ACO1: variants seen among roughly 807,000 people sequenced by gnomAD.
The protein encoded by ACO1 is cytoplasmic aconitate hydratase.
A neutral mutation model predicts 105.1 loss-of-function variants in ACO1; 78 were observed. That is an observed-to-expected ratio of 0.74 (90% CI 0.62 to 0.90). The LOEUF (loss-of-function observed/expected upper bound fraction) is 0.90, where lower values mean the gene tolerates loss of function less well. Ranked by LOEUF, ACO1 falls within the 40% of genes least tolerant of loss-of-function variation. ACO1 has a pLI of 0.00. For synonymous variants in ACO1, 364 were observed against 397.4 expected (o/e 0.92, Z 1.00); for missense variants, 965 against 1,111.1 (o/e 0.87, Z 1.87).
Position 32,410,795 on chromosome 9 carries a change from G to A in ACO1, c.404+2144G>A, listed in dbSNP as rs137981719. Reference sequence around the variant, plus strand: ...GTATAACAGTCCCAGAATCTCAACAGCAGTCAACAGTAAGAATTTATTTCT... The same window carrying A: ...GTATAACAGTCCCAGAATCTCAACAACAGTCAACAGTAAGAATTTATTTCT... On this transcript the variant is annotated intron_variant, in intron 4 of 20. Transcript: ENST00000309951. Among the ~76,000 whole-genome samples, 57 of 152,294 alleles carry A rather than the reference G, an allele frequency of 3.7e-4. 1 individual carries two copies. In the Middle Eastern group the frequency reaches 0.01, roughly 27 times the overall value.
rs1822121727 is a variant in ACO1, at chr9:32,427,329, T to C, written c.1377T>C (p.Ala459=). The part of the protein sequence containing the change: ...AGLLAKKAVD[A]GLNVMPYIKT... ...TGTTAGCAAAGAAAGCTGTGGATGC[T>C]GGCCTGAACGTGATGCCTTACATCA... The change falls in exon 12 of 21, where the codon GCT becomes GCC. Residue 459 remains alanine (A), a synonymous_variant. Transcript: ENST00000309951. 2 of 1,614,114 alleles carry C rather than the reference T, an allele frequency of 1.2e-6. No homozygotes were observed. Among genetic ancestry groups the C allele is most frequent in the Non-Finnish European group, 1.7e-6 (2 of 1,180,052 alleles).
intron 4 of ACO1, among the ~76,000 whole-genome samples, chr9:32,411,486 T>C (rs1821737754): frequency 6.6e-6 from 1 of 152,120 alleles, no homozygotes; most frequent in African/African-American, 2.4e-5. Flanking sequence ...GAAAATAACT[T>C]GAAAAATATG....
chr9:32,423,764 G>A (rs891283287), intron 9 of ACO1, among the ~76,000 whole-genome samples: 1 of 152,188 alleles, frequency 6.6e-6, no homozygotes, highest in African/African-American at 2.4e-5. Flanking sequence ...CAAAGGGTGG[G>A]AGGGAGGTGA....
intron 1 of ACO1, among the ~76,000 whole-genome samples, chr9:32,399,966 G>GTATT (rs1821454761): frequency 1.4e-5 from 1 of 69,842 alleles, no homozygotes; most frequent in Non-Finnish European, 2.5e-5. Context: ...TTCTTTTTCT[G>GTATT]TTTTTTTTTT....
At chr9:32,409,664 A>C (rs1402494572) in intron 4 of ACO1, among the ~76,000 whole-genome samples, 1 of 151,960 alleles carries the variant, frequency 6.6e-6, no homozygotes, top group Non-Finnish European at 1.5e-5. Flanking sequence ...CAGCCTGGGC[A>C]ACACAGGAAG....
In ACO1 at chr9:32,453,742, GA is replaced by G. The variant is rs1330510898; in HGVS notation, c.*3632del. 3 of 152,188 alleles carry G rather than the reference GA, an allele frequency of 2.0e-5. No individual in the cohort carries two copies. Among genetic ancestry groups the G allele is most frequent in the African/African-American group, 7.2e-5 (3 of 41,446 alleles). 9.4% of individuals were successfully genotyped at this position (152,188 alleles called of 1,614,324 possible). Reference sequence around the variant, plus strand: ...TACGGGGTTATGTAGGAGCAATGCAGAGCCACTTTTGAAAAACAGTAGCCAA... The same window carrying G: ...TACGGGGTTATGTAGGAGCAATGCAGGCCACTTTTGAAAAACAGTAGCCAA... On this transcript the variant is annotated 3_prime_UTR_variant, in exon 21 of 21. Transcript: ENST00000309951.
chr9:32,402,178 A>G (rs1587518075), intron 1 of ACO1, among the ~76,000 whole-genome samples: 1 of 150,268 alleles, frequency 6.7e-6, no homozygotes, highest in African/African-American at 2.4e-5. Context: ...ACCATTTCCC[A>G]TTCCTTCCTT....
chr9:32,435,870 C>A, intron 17 of ACO1: 1 of 361,942 alleles, frequency 2.8e-6, no homozygotes. Context: ...ATTTGCCTAC[C>A]CTAATTCTTC....
rs1219486988 is a variant in ACO1, at chr9:32,450,406, G to A, written c.*295G>A. ...TCTTTAAAGTTACTGATCACAGGACGTTGCTTTTTCACTGTTTCCTATTAA... is the reference window on the plus strand; with the variant it reads ...TCTTTAAAGTTACTGATCACAGGACATTGCTTTTTCACTGTTTCCTATTAA... On this transcript the variant is annotated 3_prime_UTR_variant, in exon 21 of 21. Coordinates refer to ENST00000309951, the MANE Select transcript of ACO1 (RefSeq NM_002197.3). The A allele has an allele frequency of 4.7e-6, 2 of 427,880 alleles. No homozygotes were observed. Among genetic ancestry groups the A allele is most frequent in the African/African-American group, 2.0e-5 (1 of 49,278 alleles). The allele number at this position is 427,880 out of a possible 1,614,324, so 26.5% of individuals were successfully genotyped here. A position where few individuals can be genotyped will look rare whatever the true frequency, so the allele number is the denominator to read the frequency against.
chr9:32,418,089 A>C lies in ACO1; in HGVS notation c.405-39A>C, dbSNP rs763154719. On this transcript the variant is annotated intron_variant, in intron 4 of 20. Coordinates refer to ENST00000309951, the MANE Select transcript of ACO1 (RefSeq NM_002197.3). ...AATAAATTTGACCACTAATATGTTA[A>C]GTCTCAAATTGTATACATTTAATTT... 3.5e-5 allele frequency: 56 copies of C among 1,583,308 alleles called. No homozygotes were observed. The South Asian group carries it at 6.2e-4, about 17-fold the overall frequency.
chr9:32,405,513 A>C lies in ACO1; in HGVS notation c.7A>C (p.Asn3His). 1 of 1,613,048 alleles carries C rather than the reference A, an allele frequency of 6.2e-7. No homozygotes were observed. ...CACGTGGCCATCAGTAATCATGAGC[A>C]ACCCATTCGCACACCTTGCTGAGCC... The part of the protein sequence containing the change: MS[N>H]PFAHLAEPLD... The change falls in exon 2 of 21, where the codon AAC becomes CAC. Residue 3 changes from asparagine (N) to histidine (H), a missense_variant. Physicochemically the swap from Asn to His is moderately conservative, Grantham distance 68. Transcript: ENST00000309951.
rs771238213 is a variant in ACO1, at chr9:32,423,386, C to T, written c.1038C>T (p.Phe346=). The T allele has an allele frequency of 1.9e-6, 3 of 1,600,404 alleles. No homozygotes were observed. The East Asian group carries it at 6.8e-5, about 36-fold the overall frequency. Reference sequence around the variant, plus strand: ...AGGCTGTAGGAATGTTTCGAGATTTCAATGACCCTTCTCAAGACCCAGACT... The same window carrying T: ...AGGCTGTAGGAATGTTTCGAGATTTTAATGACCCTTCTCAAGACCCAGACT... ...YLQAVGMFRD[F]NDPSQDPDFT... Residue 346 remains phenylalanine (F), a synonymous_variant, in exon 9 of 21, where the codon TTC becomes TTT. Transcript: ENST00000309951.
At chr9:32,425,791 C>A in intron 10 of ACO1, 47 bp from the exon 11 acceptor site, 1 of 1,332,192 alleles carries the variant, frequency 7.5e-7, no homozygotes, top group Non-Finnish European at 1.0e-6. Context: ...ACATGTATAT[C>A]TTATATAAAT....
At chr9:32,399,977 T>G (rs1050727907) in intron 1 of ACO1, among the ~76,000 whole-genome samples, 1 of 134,998 alleles carries the variant, frequency 7.4e-6, no homozygotes, top group Non-Finnish European at 1.6e-5. Flanking sequence ...TTTTTTTTTT[T>G]TTTTTTTTTT....
intron 1 of ACO1, among the ~76,000 whole-genome samples, chr9:32,393,063 G>C (rs1362981525): frequency 6.6e-6 from 1 of 152,162 alleles, no homozygotes; most frequent in Non-Finnish European, 1.5e-5. Context: ...GAGCATGTGT[G>C]TTTGAACAAT....
chr9:32,448,437 C>T (rs1471851297), intron 19 of ACO1, among the ~76,000 whole-genome samples: 1 of 152,242 alleles, frequency 6.6e-6, no homozygotes, highest in Non-Finnish European at 1.5e-5. Flanking sequence ...AATTTCAAGC[C>T]AGTGGATCTT....
At chr9:32,402,817 A>G (rs1821526028) in intron 1 of ACO1, among the ~76,000 whole-genome samples, 1 of 152,168 alleles carries the variant, frequency 6.6e-6, no homozygotes, top group Non-Finnish European at 1.5e-5. Context: ...TATGGGTGGA[A>G]CCTTGAAGTG....
At position 32,430,565 on chromosome 9, in the gene ACO1, G is replaced by C. The variant is rs762862154; in HGVS notation, c.1717G>C (p.Glu573Gln). ...AGTIRIDFEK[E>Q]PLGVNAKGQQ... is the part of the protein sequence containing the mutation. ...AACCATCAGAATCGACTTTGAGAAA[G>C]AGCCATTGGGTAAGATTTTGTTTGT... The change falls in exon 14 of 21, where the codon GAG (glutamate) becomes CAG (glutamine). Residue 573 changes from glutamate to glutamine, a missense_variant. By Grantham distance (29) the Glu-to-Gln change is conservative. Transcript: ENST00000309951. 6.2e-7 allele frequency: 1 copy of C among 1,601,938 alleles called. No homozygotes were observed. The highest frequency in any genetic ancestry group is 8.5e-7 in the Non-Finnish European group (1 of 1,175,118).
intron 11 of ACO1, 33 bp downstream of exon 11, chr9:32,426,030 A>G: frequency 6.2e-7 from 1 of 1,605,064 alleles, no homozygotes; most frequent in East Asian, 2.2e-5. Flanking sequence ...TCATGGTCAT[A>G]CATGTGTGTA....
Sources: allele counts gnomAD v4.1 joint callset (sites outside exome capture counted in the v4.1 genomes callset), GRCh38; gene constraint gnomAD v4.1.1; transcripts MANE v1.5; gene names NCBI Gene and HGNC (gene_info 2026-07-23, HGNC 2026-07-21).